CAMK1D: variants seen among roughly 807,000 people sequenced by gnomAD.
The protein encoded by CAMK1D is calcium/calmodulin dependent protein kinase ID.
Under a neutral mutation model 47.7 loss-of-function variants are expected in CAMK1D, and 9 were observed. That is an observed-to-expected ratio of 0.19 (90% CI 0.11 to 0.33). The LOEUF (loss-of-function observed/expected upper bound fraction) is 0.33, where lower values mean the gene tolerates loss of function less well. Among genes scored for constraint, CAMK1D ranks in the 10% least tolerant of loss-of-function variants. The probability of loss-of-function intolerance (pLI) is 1.00; values close to 1 mark genes in which losing one functional copy is unlikely to be tolerated. For synonymous variants in CAMK1D, 184 were observed against 184.9 expected (o/e 0.99, Z 0.04); for missense variants, 291 against 488.7 (o/e 0.60, Z 3.81).
chr10:12,773,407 G>A (rs774765972), intron 5 of CAMK1D, among the ~76,000 whole-genome samples: 4 of 152,194 alleles, frequency 2.6e-5, no homozygotes, highest in Non-Finnish European at 5.9e-5. Context: ...TAACCTAGGC[G>A]TGGCCTCTGT....
chr10:12,534,194 C>CTAT (rs1031497804), intron 1 of CAMK1D, among the ~76,000 whole-genome samples: 3 of 152,184 alleles, frequency 2.0e-5, no homozygotes, highest in African/African-American at 7.2e-5. Context: ...ATCTGTCTAT[C>CTAT]TATCTATCTG....
At chr10:12,437,173 CATCTGTCT>C (rs1169232084) in intron 1 of CAMK1D, among the ~76,000 whole-genome samples, 94 of 151,016 alleles carry the variant, frequency 6.2e-4, no homozygotes, top group African/African-American at 1.8e-3. Flanking sequence ...TCTATCTGTC[CATCTGTCT>C]GTCTGTCTGT....
At position 12,465,711 on chromosome 10, in the gene CAMK1D, G is replaced by T. The variant is rs193227297; in HGVS notation, c.93-87514G>T. Among the ~76,000 whole-genome samples, 16 of 152,246 alleles carry T rather than the reference G, an allele frequency of 1.1e-4. No individual in the cohort carries two copies. The East Asian group carries it at 3.1e-3, about 29-fold the overall frequency. The stretch of plus-strand genomic sequence containing the variant: ...AGGTAATGTTTTGAGCAACCACCTC[G>T]TATTTTATCCAGGTTGTTGCATTTA... On this transcript the variant is annotated intron_variant, in intron 1 of 10. Transcript: ENST00000619168.
intron 3 of CAMK1D, among the ~76,000 whole-genome samples, chr10:12,720,781 G>A (rs1468849524): frequency 6.6e-6 from 1 of 152,212 alleles, no homozygotes; most frequent in African/African-American, 2.4e-5. Context: ...CCTCTCCACG[G>A]TAAGGAGATT....
intron 2 of CAMK1D, among the ~76,000 whole-genome samples, chr10:12,638,747 T>C (rs977159139): frequency 2.0e-5 from 3 of 152,362 alleles, no homozygotes; most frequent in African/African-American, 7.2e-5. Context: ...CCACGTAGGC[T>C]GTGCAGCCCC....
chr10:12,815,416 C>T (rs1280660265), intron 7 of CAMK1D, among the ~76,000 whole-genome samples: 1 of 152,250 alleles, frequency 6.6e-6, no homozygotes. Context: ...GTTACTTCAT[C>T]CTAAGTGGAA....
chr10:12,547,682 T>TCTCTCACACACACACACACACACACA (rs10643491), intron 1 of CAMK1D, among the ~76,000 whole-genome samples: 16 of 116,572 alleles, frequency 1.4e-4, no homozygotes, highest in African/African-American at 5.9e-4. Context: ...TTTCTCTCTC[T>TCTCTCACACACACACACACACACACA]CACACACACA....
chr10:12,527,453 C>G (rs1835663105), intron 1 of CAMK1D, among the ~76,000 whole-genome samples: 1 of 143,210 alleles, frequency 7.0e-6, no homozygotes, highest in Non-Finnish European at 1.5e-5. Context: ...CTCCCAGGTT[C>G]AAGTGATTCT....
At chr10:12,571,780 A>G (rs944518051) in intron 2 of CAMK1D, among the ~76,000 whole-genome samples, 3 of 152,166 alleles carry the variant, frequency 2.0e-5, no homozygotes, top group African/African-American at 7.2e-5. Flanking sequence ...ATGGGTTTCT[A>G]GTGCCTGGCA....
At chr10:12,801,354 T>TATCTATCTTATCTATCTGTCTATC in intron 6 of CAMK1D, among the ~76,000 whole-genome samples, 1 of 66,564 alleles carries the variant, frequency 1.5e-5, no homozygotes, top group East Asian at 5.0e-4. Flanking sequence ...TCTATCTATC[T>TATCTATCTTATCTATCTGTCTATC]TATCTATCTA....
rs1588702371 is a variant in CAMK1D, at chr10:12,623,455, CCCTCCCTCTCTCCCTCCCT to C, written c.225-43277_225-43259del. Among the ~76,000 whole-genome samples the C allele has an allele frequency of 6.2e-5, 4 of 64,284 alleles. 2 individuals carry two copies. Among genetic ancestry groups the C allele is most frequent in the East Asian group, 1.0e-3 (2 of 1,940 alleles). The allele number at this position is 64,284 out of a possible 152,430, so 42.2% of individuals were successfully genotyped here. On this transcript the variant is annotated intron_variant, in intron 2 of 10. Transcript: ENST00000619168. ...TCCCTCCCTTCTTTCCTTCCTTCCT[CCCTCCCTCTCTCCCTCCCT>C]CCTTCCTCCCTTCCTTCTTTCCTTT...
chr10:12,540,801 C>T (rs766687653), intron 1 of CAMK1D, among the ~76,000 whole-genome samples: 3 of 152,046 alleles, frequency 2.0e-5, no homozygotes, highest in African/African-American at 7.2e-5. Context: ...AGTAAGAAAG[C>T]GTAACTATTT....
chr10:12,699,551 A>G (rs1833429440), intron 3 of CAMK1D, among the ~76,000 whole-genome samples: 1 of 151,960 alleles, frequency 6.6e-6, no homozygotes, highest in African/African-American at 2.4e-5. Context: ...TTAATTTTTC[A>G]GTCAGAATTG....
At chr10:12,795,689 C>T (rs1223265508) in intron 6 of CAMK1D, among the ~76,000 whole-genome samples, 2 of 152,216 alleles carry the variant, frequency 1.3e-5, no homozygotes, top group Non-Finnish European at 2.9e-5. Context: ...ATAAACATTC[C>T]TCCTTTTGCT....
At chr10:12,751,109 AAGATAAGATAAGATAAGAAGGCTTC>A (rs1400664921) in intron 3 of CAMK1D, among the ~76,000 whole-genome samples, 6 of 61,498 alleles carry the variant, frequency 9.8e-5, no homozygotes, top group Non-Finnish European at 1.6e-4. Flanking sequence ...AAGATAAGAT[AAGATAAGATAAGATAAGAAGGCTTC>A]AGAAGGCTTC....
At chr10:12,658,078 G>A (rs1279100882) in intron 2 of CAMK1D, among the ~76,000 whole-genome samples, 1 of 152,104 alleles carries the variant, frequency 6.6e-6, no homozygotes, top group Admixed American at 6.5e-5. Context: ...AGCCCAGGAG[G>A]TGGAGGTTGC....
chr10:12,405,762 T>A (rs1839399930), intron 1 of CAMK1D, among the ~76,000 whole-genome samples: 1 of 152,210 alleles, frequency 6.6e-6, no homozygotes, highest in African/African-American at 2.4e-5. Flanking sequence ...TCATATTGTT[T>A]AATCTGCTTT....
chr10:12,362,225 C>G (rs1466924577), intron 1 of CAMK1D, among the ~76,000 whole-genome samples: 1 of 152,146 alleles, frequency 6.6e-6, no homozygotes, highest in African/African-American at 2.4e-5. Context: ...AACCTCCACT[C>G]CACCTATGAA....
intron 2 of CAMK1D, among the ~76,000 whole-genome samples, chr10:12,615,154 G>C (rs535160251): frequency 6.6e-6 from 1 of 152,336 alleles, no homozygotes; most frequent in African/African-American, 2.4e-5. Context: ...GGATGGGCGA[G>C]AGGAGGCAGA....
Sources: allele counts gnomAD v4.1 joint callset (sites outside exome capture counted in the v4.1 genomes callset), GRCh38; gene constraint gnomAD v4.1.1; transcripts MANE v1.5; gene names NCBI Gene and HGNC (gene_info 2026-07-23, HGNC 2026-07-21).